The following DIAPH2 variants were observed in gnomAD, a reference collection of about 807,000 sequenced individuals.
DIAPH2 encodes the protein protein diaphanous homolog 2.
Under a neutral mutation model 92.7 loss-of-function variants are expected in DIAPH2, and 35 were observed. The observed-to-expected ratio is 0.38, with a 90% CI of 0.29 to 0.50. The LOEUF (loss-of-function observed/expected upper bound fraction) is 0.50, where lower values mean the gene tolerates loss of function less well. Ranked by LOEUF, DIAPH2 falls within the 20% of genes least tolerant of loss-of-function variation. The pLI, the probability that DIAPH2 is intolerant of heterozygous loss-of-function variation, is 0.94. For synonymous variants in DIAPH2, 301 were observed against 280.4 expected (o/e 1.07, Z -0.73); for missense variants, 701 against 819.5 (o/e 0.86, Z 1.77).
At chrX:96,689,499 C>CATTCATTTACCAGCTCATCCATTT (rs2063788303) in intron 1 of DIAPH2, among the ~76,000 whole-genome samples, 1 of 109,297 alleles carries the variant, frequency 9.1e-6, no homozygotes, top group Non-Finnish European at 1.9e-5. Context: ...CTTATCCATT[C>CATTCATTTACCAGCTCATCCATTT]ATTCATTTAC....
At chrX:97,253,575 G>A (rs979299418) in intron 23 of DIAPH2, among the ~76,000 whole-genome samples, 9 of 108,794 alleles carry the variant, frequency 8.3e-5, no homozygotes, top group Non-Finnish European at 1.7e-4. Flanking sequence ...GCGAGACCCC[G>A]TCTCTACTAA....
intron 17 of DIAPH2, among the ~76,000 whole-genome samples, chrX:97,039,078 A>G (rs1179920414): frequency 9.0e-6 from 1 of 111,399 alleles, no homozygotes; most frequent in Non-Finnish European, 1.9e-5. Context: ...ACTCACAAAT[A>G]CTGAGTGTCA....
chrX:96,841,914 G>A (rs1273972485), intron 4 of DIAPH2, among the ~76,000 whole-genome samples: 1 of 111,304 alleles, frequency 9.0e-6, no homozygotes, highest in African/African-American at 3.3e-5. Flanking sequence ...GAAAATTACA[G>A]TCAAAGGGGG....
At chrX:96,872,696 G>T (rs919371442) in intron 4 of DIAPH2, among the ~76,000 whole-genome samples, 1 of 108,863 alleles carries the variant, frequency 9.2e-6, no homozygotes, top group South Asian at 4.0e-4. Context: ...GTTTAACCAC[G>T]TTGGCCAGAC....
intron 24 of DIAPH2, among the ~76,000 whole-genome samples, chrX:97,353,250 C>A (rs1350829646): frequency 9.0e-6 from 1 of 110,817 alleles, no homozygotes; most frequent in African/African-American, 3.3e-5. Flanking sequence ...GTTGACTGCA[C>A]AAATAGTCTT....
At chrX:96,833,073 A>T (rs2064865769) in intron 4 of DIAPH2, among the ~76,000 whole-genome samples, 1 of 111,273 alleles carries the variant, frequency 9.0e-6, no homozygotes, top group Non-Finnish European at 1.9e-5. Context: ...ATATATGTAC[A>T]CCTAATTAGC....
chrX:97,195,813 A>T (rs1369348231), intron 22 of DIAPH2, among the ~76,000 whole-genome samples: 1 of 108,852 alleles, frequency 9.2e-6, no homozygotes, highest in African/African-American at 3.4e-5. Context: ...AAATAACATT[A>T]TGTTGTTAAA....
chrX:97,327,839 G>T (rs1298938364), intron 23 of DIAPH2, among the ~76,000 whole-genome samples: 3 of 112,484 alleles, frequency 2.7e-5, no homozygotes, highest in Non-Finnish European at 5.6e-5. Flanking sequence ...GCCTCCCAAA[G>T]TGCTAGGATT....
intron 5 of DIAPH2, among the ~76,000 whole-genome samples, chrX:96,883,270 A>T (rs767641311): frequency 2.7e-5 from 3 of 111,709 alleles, no homozygotes; most frequent in Non-Finnish European, 3.8e-5. Context: ...ACAACAAAAA[A>T]TTTTTTAAAA....
In DIAPH2 at chrX:97,604,781, G is replaced by A. The variant is rs1028490953; in HGVS notation, c.*5464G>A. 11 of 111,768 alleles carry A rather than the reference G, an allele frequency of 9.8e-5. No homozygotes were observed. Among genetic ancestry groups the A allele is most frequent in the African/African-American group, 2.9e-4 (9 of 30,610 alleles). The allele number at this position is 111,768 out of a possible 1,213,427, so 9.2% of individuals were successfully genotyped here. ...ATACCGTGAATCCCTCACCTAAAGG[G>A]AGAGGTGAAAGCAAAGACTGCTTTG... On this transcript the variant is annotated 3_prime_UTR_variant, in exon 27 of 27. Transcript: ENST00000324765.
At chrX:96,730,052 A>C (rs1009210099) in intron 1 of DIAPH2, among the ~76,000 whole-genome samples, 8 of 111,968 alleles carry the variant, frequency 7.1e-5, no homozygotes, top group Non-Finnish European at 1.5e-4. Flanking sequence ...TCTAGCATCT[A>C]TTCTTAAGTG....
intron 26 of DIAPH2, among the ~76,000 whole-genome samples, chrX:97,573,667 T>TG (rs897961191): frequency 3.7e-5 from 4 of 108,061 alleles, no homozygotes; most frequent in Non-Finnish European, 7.7e-5. Context: ...TTTTTTTTTT[T>TG]GTTTTTTTTT....
Position 97,185,409 on chromosome X carries a change from A to G in DIAPH2, c.2719+43615A>G, listed in dbSNP as rs184122008. Among the ~76,000 whole-genome samples, 33 of 36,076 alleles carry G rather than the reference A, an allele frequency of 9.1e-4. 1 individual carries two copies. The highest frequency in any genetic ancestry group is 3.8e-3 in the African/African-American group (21 of 5,504). The allele number at this position is 36,076 out of a possible 115,157, so 31.3% of individuals were successfully genotyped here. A position where few individuals can be genotyped will look rare whatever the true frequency, so the allele number is the denominator to read the frequency against. ...TATATATATGTGTATATATATATATATGTATATATATATGTATATATATAT... is the reference window on the plus strand; with the variant it reads ...TATATATATGTGTATATATATATATGTGTATATATATATGTATATATATAT... On this transcript the variant is annotated intron_variant, in intron 22 of 26. Transcript: ENST00000324765.
At chrX:96,737,933 C>T (rs1320943329) in intron 2 of DIAPH2, among the ~76,000 whole-genome samples, 1 of 111,416 alleles carries the variant, frequency 9.0e-6, no homozygotes, top group African/African-American at 3.3e-5. Context: ...AACATATTAA[C>T]TTATTTAAAT....
chrX:97,328,250 C>T (rs1782358684), intron 23 of DIAPH2, among the ~76,000 whole-genome samples: 1 of 110,728 alleles, frequency 9.0e-6, no homozygotes, highest in Admixed American at 9.7e-5. Context: ...GCCTGGCAAA[C>T]ATTGTGAAAC....
intron 23 of DIAPH2, among the ~76,000 whole-genome samples, chrX:97,321,354 A>T (rs1406561404): frequency 9.1e-6 from 1 of 110,340 alleles, no homozygotes. Flanking sequence ...TTAACGCACA[A>T]CAAAAGGTGT....
At position 97,004,509 on chromosome X, in the gene DIAPH2, G is replaced by A. The variant is rs145909843; in HGVS notation, c.2050+39302G>A. Among the ~76,000 whole-genome samples, 14 of 111,272 alleles carry A rather than the reference G, an allele frequency of 1.3e-4. No homozygotes were observed. The East Asian group carries it at 3.9e-3, about 31-fold the overall frequency. ...TCATCGATCTTTTAGAGTTTTCATG[G>A]TAGAGATCTTTCAGTTCATTGGTTA... On this transcript the variant is annotated intron_variant, in intron 17 of 26. Coordinates refer to ENST00000324765, the MANE Select transcript of DIAPH2 (RefSeq NM_006729.5).
In DIAPH2 at chrX:97,323,008, T is replaced by A. The variant is rs763600861; in HGVS notation, c.2845-25108T>A. 2.9e-5 allele frequency among the ~76,000 whole-genome samples: 3 copies of A among 103,475 alleles called. No homozygotes were observed. In the South Asian group the frequency reaches 1.4e-3, roughly 48 times the overall value. 89.9% of individuals were successfully genotyped at this position (103,475 alleles called of 115,157 possible). Reference sequence around the variant, plus strand: ...TCAACCTCCGCCTCCCAGGTTCAAATGATTCTCCTGCCTCTGCCTCCCAAA... The same window carrying A: ...TCAACCTCCGCCTCCCAGGTTCAAAAGATTCTCCTGCCTCTGCCTCCCAAA... On this transcript the variant is annotated intron_variant, in intron 23 of 26. Coordinates refer to ENST00000324765, the MANE Select transcript of DIAPH2 (RefSeq NM_006729.5).
chrX:97,364,031 G>C (rs1331366818), intron 24 of DIAPH2, among the ~76,000 whole-genome samples: 3 of 111,794 alleles, frequency 2.7e-5, no homozygotes, highest in African/African-American at 9.8e-5. Context: ...TTTAAATTCA[G>C]GACAATGCCT....
Sources: gnomAD v4.1 joint callset for allele counts (sites outside exome capture counted in the v4.1 genomes callset) on GRCh38, gnomAD v4.1.1 for gene constraint, MANE v1.5 for transcripts, NCBI Gene and HGNC (gene_info 2026-07-23, HGNC 2026-07-21) for gene names.